The following PHKA1 variants were observed in gnomAD, a reference collection of about 807,000 sequenced individuals.
The protein encoded by PHKA1 is phosphorylase kinase regulatory subunit alpha 1, also known as phosphorylase b kinase regulatory subunit alpha, skeletal muscle isoform.
Under a neutral mutation model 110.2 loss-of-function variants are expected in PHKA1, and 60 were observed. That is an observed-to-expected ratio of 0.54 (90% confidence interval 0.44 to 0.68). PHKA1 has a LOEUF of 0.68. Among genes scored for constraint, PHKA1 ranks in the 30% least tolerant of loss-of-function variants. The probability of loss-of-function intolerance (pLI) is 0.00; values close to 1 mark genes in which losing one functional copy is unlikely to be tolerated. For missense variants in PHKA1, 801 were observed against 942.5 expected, an observed-to-expected ratio of 0.85 and a Z score of 1.97; for synonymous variants, 316 against 333.6, an observed-to-expected ratio of 0.95 and a Z score of 0.58.
chrX:72,659,016 T>G (rs911400364), intron 8 of PHKA1, among the ~76,000 whole-genome samples: 3 of 112,402 alleles, frequency 2.7e-5, no homozygotes, highest in Non-Finnish European at 3.8e-5. Context: ...AAATAATTGT[T>G]ATTCTTGTGT....
chrX:72,616,618 A>C (rs1490875304), intron 21 of PHKA1, among the ~76,000 whole-genome samples: 3 of 111,630 alleles, frequency 2.7e-5, no homozygotes, highest in Non-Finnish European at 5.6e-5. Flanking sequence ...ATCAACAAAC[A>C]AACATTGGAT....
At chrX:72,667,326 G>T in intron 7 of PHKA1, 49 bp downstream of exon 7, 1 of 934,817 alleles carries the variant, frequency 1.1e-6, no homozygotes, top group Non-Finnish European at 1.5e-6. Flanking sequence ...TTAAATCTGA[G>T]TCTGGGCAAG....
intron 29 of PHKA1, among the ~76,000 whole-genome samples, chrX:72,591,292 C>T (rs1055927555): frequency 9.0e-6 from 1 of 111,426 alleles, no homozygotes. Context: ...GACCATCATT[C>T]TGAGCAAACT....
Position 72,619,240 on chromosome X carries a change from A to C in PHKA1, c.2203T>G (p.Ser735Ala). Reference sequence around the variant, plus strand: ...TGGTTCTCCTGTCGGGGATGAGGTGAATCAAGTAAGTTGAATGAAGGCCGG... The same window carrying C: ...TGGTTCTCCTGTCGGGGATGAGGTGCATCAAGTAAGTTGAATGAAGGCCGG... ...ASRPSFNLLD[S>A]PHPRQENQVP... The change falls in exon 20 of 32, where the codon TCA becomes GCA. Residue 735 changes from serine (S) to alanine (A), a missense_variant. By Grantham distance (99) the Ser-to-Ala change is moderately conservative. Coordinates refer to ENST00000373542, the MANE Select transcript of PHKA1 (RefSeq NM_002637.4). 8.4e-7 allele frequency: 1 copy of C among 1,190,974 alleles called. No individual in the cohort carries two copies. The highest frequency in any genetic ancestry group is 2.2e-5 in the Admixed American group (1 of 46,008).
At chrX:72,661,828 C>G (rs1556304304) in intron 8 of PHKA1, among the ~76,000 whole-genome samples, 1 of 109,241 alleles carries the variant, frequency 9.2e-6, no homozygotes, top group East Asian at 2.9e-4. Context: ...CAAAAAAGGA[C>G]CAAAACAACT....
rs1824940768 is a variant in PHKA1 at position 72,687,189 on chromosome X, A to G, written c.455-2609T>C. ...AATTGCTGGTCTTCCTGGTACATAC[A>G]TATACCAGTCTTTGCATATGTATGG... On this transcript the variant is annotated intron_variant, in intron 4 of 31. Transcript: ENST00000373542. Among the ~76,000 whole-genome samples, 4 of 111,610 alleles carry G rather than the reference A, an allele frequency of 3.6e-5. No individual in the cohort carries two copies. In the South Asian group the frequency reaches 1.5e-3, roughly 42 times the overall value.
At chrX:72,588,202 T>A (rs1211332230) in intron 29 of PHKA1, among the ~76,000 whole-genome samples, 2 of 112,076 alleles carry the variant, frequency 1.8e-5, no homozygotes, top group African/African-American at 6.5e-5. Flanking sequence ...TCTCAGCAAA[T>A]GTAAAACAGA....
chrX:72,593,503 G>A (rs1240190590), intron 28 of PHKA1: 7 of 337,053 alleles, frequency 2.1e-5, no homozygotes, highest in East Asian at 5.8e-5. Context: ...CACCATGCTC[G>A]GCTAACTTTT....
chrX:72,654,603 T>C (rs781970483), intron 10 of PHKA1, among the ~76,000 whole-genome samples: 1 of 111,710 alleles, frequency 9.0e-6, no homozygotes, highest in South Asian at 3.8e-4. Context: ...TTGGGTCTTT[T>C]TTAAGGTGAA....
chrX:72,713,010 G>C (rs782786074), intron 1 of PHKA1, 73 bp from the exon 2 acceptor site: 90 of 1,042,030 alleles, frequency 8.6e-5, no homozygotes, highest in Non-Finnish European at 1.2e-4. Flanking sequence ...TCTTCCAAAT[G>C]GGTTTTTTAG....
At chrX:72,676,470 G>A (rs1556311868) in intron 5 of PHKA1, among the ~76,000 whole-genome samples, 1 of 111,880 alleles carries the variant, frequency 8.9e-6, no homozygotes, top group Non-Finnish European at 1.9e-5. Flanking sequence ...CAAATACCCA[G>A]TAGATCTGCA....
chrX:72,610,087 A>G (rs1216329552), intron 22 of PHKA1, among the ~76,000 whole-genome samples: 1 of 111,521 alleles, frequency 9.0e-6, no homozygotes, highest in African/African-American at 3.3e-5. Flanking sequence ...TGAGACATCC[A>G]TCACCTCAAT....
intron 3 of PHKA1, among the ~76,000 whole-genome samples, chrX:72,704,593 G>A (rs1176459480): frequency 9.1e-6 from 1 of 110,072 alleles, no homozygotes; most frequent in Non-Finnish European, 1.9e-5. Flanking sequence ...GTGTGTGTGT[G>A]CATTTTGTTT....
intron 14 of PHKA1, among the ~76,000 whole-genome samples, chrX:72,639,887 C>T (rs1450537490): frequency 8.9e-6 from 1 of 112,081 alleles, no homozygotes; most frequent in Non-Finnish European, 1.9e-5. Flanking sequence ...AGTATCCACA[C>T]ATGTGAGTGA....
At chrX:72,670,341 T>C (rs1189481307) in intron 6 of PHKA1, among the ~76,000 whole-genome samples, 2 of 111,981 alleles carry the variant, frequency 1.8e-5, no homozygotes, top group African/African-American at 6.5e-5. Context: ...TTCACTCTGA[T>C]GGTAGTTTCT....
chrX:72,630,387 A>AT (rs1556286579), intron 16 of PHKA1, among the ~76,000 whole-genome samples: 4 of 110,316 alleles, frequency 3.6e-5, no homozygotes, highest in African/African-American at 1.3e-4. Context: ...TCCTATTTTT[A>AT]TTTTTTCTTT....
intron 26 of PHKA1, 95 bp from the exon 27 acceptor site, chrX:72,602,368 A>G: frequency 1.8e-6 from 1 of 545,662 alleles, no homozygotes; most frequent in Non-Finnish European, 3.2e-6. Context: ...ATATATCCTT[A>G]TTTTTAACTT....
At chrX:72,628,932 C>T (rs1162307390) in intron 16 of PHKA1, among the ~76,000 whole-genome samples, 3 of 110,922 alleles carry the variant, frequency 2.7e-5, no homozygotes, top group Non-Finnish European at 3.8e-5. Context: ...ATGTTTAGCT[C>T]TTTAATCTAT....
intron 8 of PHKA1, among the ~76,000 whole-genome samples, chrX:72,663,599 G>T (rs2053585342): frequency 9.0e-6 from 1 of 110,657 alleles, no homozygotes; most frequent in East Asian, 2.8e-4. Context: ...AAAAGTCAAA[G>T]ACAAAGAGAA....
Sources: allele counts gnomAD v4.1 joint callset (sites outside exome capture counted in the v4.1 genomes callset), GRCh38; gene constraint gnomAD v4.1.1; transcripts MANE v1.5; gene names NCBI Gene and HGNC (gene_info 2026-07-23, HGNC 2026-07-21).